HTR4: variants seen among roughly 807,000 people sequenced by gnomAD.
HTR4 encodes the protein 5-hydroxytryptamine receptor 4, also known as 5-hydroxytryptamine (serotonin) receptor 4, G protein-coupled.
In HTR4, 16 loss-of-function variants were observed where a neutral mutation model predicts 36.8. That is an observed-to-expected ratio of 0.43 (90% CI 0.29 to 0.66). The LOEUF (loss-of-function observed/expected upper bound fraction) is 0.66. Among genes scored for constraint, HTR4 ranks in the 30% least tolerant of loss-of-function variants. The probability of loss-of-function intolerance (pLI) is 0.13; values close to 1 mark genes in which losing one functional copy is unlikely to be tolerated. For missense variants in HTR4, 438 were observed against 490.9 expected (o/e 0.89, Z 1.02); for synonymous variants, 189 against 185.1 (o/e 1.02, Z -0.17).
chr5:148,536,539 G>A (rs561373741), intron 4 of HTR4, among the ~76,000 whole-genome samples: 15 of 152,116 alleles, frequency 9.9e-5, no homozygotes, highest in African/African-American at 3.6e-4. Flanking sequence ...ATAAAGGAAT[G>A]GAGGAAAGTC....
At chr5:148,544,978 C>T (rs1759318984) in intron 4 of HTR4, among the ~76,000 whole-genome samples, 1 of 152,236 alleles carries the variant, frequency 6.6e-6, no homozygotes, top group South Asian at 2.1e-4. Flanking sequence ...GACATCACAC[C>T]TCATTGAGAC....
intron 2 of HTR4, among the ~76,000 whole-genome samples, chr5:148,568,779 C>T (rs1760557641): frequency 6.6e-6 from 1 of 152,098 alleles, no homozygotes; most frequent in African/African-American, 2.4e-5. Flanking sequence ...TTTGAATGCA[C>T]ATTTTTAACA....
At chr5:148,638,374 T>C (rs1278727176) in intron 1 of HTR4, among the ~76,000 whole-genome samples, 1 of 152,214 alleles carries the variant, frequency 6.6e-6, no homozygotes, top group Non-Finnish European at 1.5e-5. Context: ...GCTGGAAATA[T>C]ACAAGTACAA....
At chr5:148,643,514 T>C (rs1418613277) in intron 1 of HTR4, among the ~76,000 whole-genome samples, 2 of 152,274 alleles carry the variant, frequency 1.3e-5, no homozygotes, top group East Asian at 3.9e-4. Context: ...TCTGGGAATT[T>C]TGTGGGGAAA....
intron 6 of HTR4, among the ~76,000 whole-genome samples, chr5:148,506,709 T>C (rs1757233543): frequency 6.6e-6 from 1 of 151,638 alleles, no homozygotes; most frequent in African/African-American, 2.4e-5. Context: ...AACAAGTGGG[T>C]GAAGGATATG....
At chr5:148,623,527 A>C (rs111888625) in intron 2 of HTR4, among the ~76,000 whole-genome samples, 12 of 152,298 alleles carry the variant, frequency 7.9e-5, no homozygotes, top group African/African-American at 2.9e-4. Context: ...AAAATATTGC[A>C]TAATTTGACA....
chr5:148,641,424 C>T (rs950184943), intron 1 of HTR4, among the ~76,000 whole-genome samples: 2 of 152,112 alleles, frequency 1.3e-5, no homozygotes, highest in Non-Finnish European at 1.5e-5. Context: ...AGAAACAGTC[C>T]TAGATCATCG....
intron 1 of HTR4, among the ~76,000 whole-genome samples, chr5:148,641,883 C>G (rs534515271): frequency 6.6e-6 from 1 of 152,312 alleles, no homozygotes; most frequent in South Asian, 2.1e-4. Flanking sequence ...AGTTGCATCT[C>G]TATTATAAGA....
intron 5 of HTR4, 54 bp downstream of exon 5, chr5:148,523,139 C>A (rs879662054): frequency 3.5e-6 from 5 of 1,442,540 alleles, no homozygotes; most frequent in Non-Finnish European, 4.8e-6. Context: ...CATTTAGGAA[C>A]CCCATGCAAA....
chr5:148,583,690 G>T (rs1056616392), intron 2 of HTR4, among the ~76,000 whole-genome samples: 1 of 151,636 alleles, frequency 6.6e-6, no homozygotes, highest in African/African-American at 2.4e-5. Context: ...AAACACAAAA[G>T]TGTCCAGTAG....
At chr5:148,609,854 C>A (rs1179378328) in intron 2 of HTR4, among the ~76,000 whole-genome samples, 4 of 152,200 alleles carry the variant, frequency 2.6e-5, no homozygotes. Context: ...GCGTGAGCCA[C>A]CACGCCCGGC....
At chr5:148,497,844 C>T (rs1050240196) in intron 6 of HTR4, among the ~76,000 whole-genome samples, 1 of 152,136 alleles carries the variant, frequency 6.6e-6, no homozygotes, top group Non-Finnish European at 1.5e-5. Context: ...ATTAAAATTG[C>T]CCTCAAAATA....
intron 2 of HTR4, among the ~76,000 whole-genome samples, chr5:148,611,820 A>G (rs1441915252): frequency 6.6e-6 from 1 of 150,434 alleles, no homozygotes; most frequent in Non-Finnish European, 1.5e-5. Flanking sequence ...TCAAAATAAA[A>G]GGATGGAGGA....
intron 2 of HTR4, among the ~76,000 whole-genome samples, chr5:148,559,138 C>T (rs1344883814): frequency 1.3e-5 from 2 of 152,192 alleles, no homozygotes; most frequent in Non-Finnish European, 2.9e-5. Flanking sequence ...TTGGAGCTCA[C>T]TGCTGCTGCC....
At chr5:148,595,425 A>C (rs551547869) in intron 2 of HTR4, among the ~76,000 whole-genome samples, 2 of 152,082 alleles carry the variant, frequency 1.3e-5, no homozygotes, top group Admixed American at 1.3e-4. Flanking sequence ...TACAAAAGAA[A>C]TTTTCCCATG....
chr5:148,458,715 G>A (rs1015725642), intron 5 of HTR4, among the ~76,000 whole-genome samples: 11 of 152,166 alleles, frequency 7.2e-5, no homozygotes, highest in Non-Finnish European at 5.9e-5. Context: ...TGTGGTGAGA[G>A]GGGAACAAAG....
chr5:148,547,621 G>T (rs1270526191), intron 4 of HTR4, among the ~76,000 whole-genome samples: 1 of 151,650 alleles, frequency 6.6e-6, no homozygotes, highest in Non-Finnish European at 1.5e-5. Context: ...GTCTGAGCAC[G>T]ATGGCTCACA....
intron 5 of HTR4, among the ~76,000 whole-genome samples, chr5:148,453,291 C>T (rs1755017060): frequency 6.6e-6 from 1 of 152,176 alleles, no homozygotes; most frequent in Non-Finnish European, 1.5e-5. Flanking sequence ...GGTCCCTATT[C>T]TAAGTGTCTA....
chr5:148,606,738 G>A (rs1752180471), intron 2 of HTR4, among the ~76,000 whole-genome samples: 1 of 152,194 alleles, frequency 6.6e-6, no homozygotes, highest in Admixed American at 6.5e-5. Context: ...TTGTGATGCT[G>A]TGGCTTAAAT....
Sources: allele counts gnomAD v4.1 joint callset (sites outside exome capture counted in the v4.1 genomes callset), GRCh38; gene constraint gnomAD v4.1.1; transcripts MANE v1.5; gene names NCBI Gene and HGNC (gene_info 2026-07-23, HGNC 2026-07-21).